The following STXBP5L variants were observed in gnomAD, a reference collection of about 807,000 sequenced individuals.
STXBP5L encodes the protein syntaxin-binding protein 5-like.
A neutral mutation model predicts 144.5 loss-of-function variants in STXBP5L; 65 were observed. The ratio of observed to expected loss-of-function variants is 0.45; its 90% CI spans 0.37 to 0.55. The LOEUF (loss-of-function observed/expected upper bound fraction) is 0.55, where lower values mean the gene tolerates loss of function less well. Among genes scored for constraint, STXBP5L ranks in the 20% least tolerant of loss-of-function variants. The pLI, the probability that STXBP5L is intolerant of heterozygous loss-of-function variation, is 0.00. For missense variants in STXBP5L, 1,298 were observed against 1,405.5 expected (o/e 0.92, Z 1.22); for synonymous variants, 505 against 469.6 (o/e 1.08, Z -0.97).
At chr3:121,310,908 CAA>C (rs879557751) in intron 19 of STXBP5L, among the ~76,000 whole-genome samples, 1 of 141,714 alleles carries the variant, frequency 7.1e-6, no homozygotes, top group Non-Finnish European at 1.5e-5. Context: ...GACTCTGTCT[CAA>C]AAAAAAAAAG....
chr3:121,382,208 A>T (rs979908760), intron 22 of STXBP5L, among the ~76,000 whole-genome samples: 2 of 151,910 alleles, frequency 1.3e-5, no homozygotes, highest in African/African-American at 2.4e-5. Flanking sequence ...AAATTTTCAG[A>T]TAGTTTTTAA....
chr3:121,194,464 G>GCTTGAGCCCAGGAT, intron 9 of STXBP5L, among the ~76,000 whole-genome samples: 1 of 38,696 alleles, frequency 2.6e-5, no homozygotes, highest in Admixed American at 2.6e-4. Context: ...GAGCCCAGGA[G>GCTTGAGCCCAGGAT]TTCCAGGCTG....
chr3:121,335,439 G>GA (rs1225652125), intron 20 of STXBP5L, among the ~76,000 whole-genome samples: 5 of 152,032 alleles, frequency 3.3e-5, no homozygotes, highest in African/African-American at 1.2e-4. Flanking sequence ...CACAGAACTA[G>GA]AAAAAAACTA....
rs79105960 is a variant in STXBP5L at position 121,312,391 on chromosome 3, T to A, written c.2111-6084T>A. 4.7e-3 allele frequency among the ~76,000 whole-genome samples: 467 copies of A among 100,356 alleles called. 11 individuals are homozygous for A. Among genetic ancestry groups the A allele is most frequent in the Non-Finnish European group, 6.3e-3 (315 of 49,936 alleles). 65.8% of individuals were successfully genotyped at this position (100,356 alleles called of 152,430 possible). A position where few individuals can be genotyped will look rare whatever the true frequency, so the allele number is the denominator to read the frequency against. On this transcript the variant is annotated intron_variant, in intron 19 of 26. Transcript: ENST00000471454. ...TTCTTTTTTTTTTTTTTTTTTTTTT[T>A]ATGGCAGAAAAATGTAGTTTTATTT...
intron 22 of STXBP5L, among the ~76,000 whole-genome samples, chr3:121,389,363 G>GT (rs1393751641): frequency 4.6e-5 from 7 of 152,092 alleles, no homozygotes; most frequent in Admixed American, 6.6e-5. Context: ...TTTTTGAAAG[G>GT]TTTTTTGTGT....
rs920533026 is a variant in STXBP5L at position 121,304,083 on chromosome 3, A to G, written c.2111-14392A>G. On this transcript the variant is annotated intron_variant, in intron 19 of 26. Transcript: ENST00000471454. Reference sequence around the variant, plus strand: ...GGGAAAAGAATTCCATGAAAACACTATCCCCAAAAAAGCTGATATGGCTAT... The same window carrying G: ...GGGAAAAGAATTCCATGAAAACACTGTCCCCAAAAAAGCTGATATGGCTAT... Among the ~76,000 whole-genome samples, 51 of 152,116 alleles carry G rather than the reference A, an allele frequency of 3.4e-4. 2 individuals are homozygous for G. Among genetic ancestry groups the G allele is most frequent in the Admixed American group, 3.1e-3 (48 of 15,248 alleles).
At chr3:121,055,523 T>G (rs1948393954) in intron 5 of STXBP5L, among the ~76,000 whole-genome samples, 1 of 152,114 alleles carries the variant, frequency 6.6e-6, no homozygotes. Flanking sequence ...TGGAGTATTA[T>G]TATTGGAGAC....
intron 3 of STXBP5L, among the ~76,000 whole-genome samples, chr3:121,003,382 T>C (rs1943959275): frequency 1.3e-5 from 2 of 152,228 alleles, no homozygotes; most frequent in Admixed American, 1.3e-4. Flanking sequence ...TCATATGCTT[T>C]GCTCACTTTT....
At chr3:121,132,080 T>C (rs1301143729) in intron 7 of STXBP5L, among the ~76,000 whole-genome samples, 1 of 152,192 alleles carries the variant, frequency 6.6e-6, no homozygotes, top group Non-Finnish European at 1.5e-5. Flanking sequence ...CCCCAGAGAA[T>C]TGGCTTCTGT....
intron 5 of STXBP5L, among the ~76,000 whole-genome samples, chr3:121,083,219 A>G (rs1010599434): frequency 3.3e-5 from 5 of 152,084 alleles, no homozygotes; most frequent in African/African-American, 1.2e-4. Flanking sequence ...CAAAAAAACA[A>G]AAAAAATCAC....
At chr3:121,262,606 G>T (rs1041429011) in intron 18 of STXBP5L, among the ~76,000 whole-genome samples, 1 of 152,102 alleles carries the variant, frequency 6.6e-6, no homozygotes, top group African/African-American at 2.4e-5. Context: ...CTGGGTGACA[G>T]AGTGAAACTC....
At chr3:120,948,073 T>C (rs1256922000) in intron 2 of STXBP5L, among the ~76,000 whole-genome samples, 1 of 151,852 alleles carries the variant, frequency 6.6e-6, no homozygotes, top group African/African-American at 2.4e-5. Context: ...AACAGCAATG[T>C]ATTAGGGCTC....
chr3:121,230,075 A>C (rs2049254533), intron 11 of STXBP5L, among the ~76,000 whole-genome samples: 1 of 152,214 alleles, frequency 6.6e-6, no homozygotes, highest in African/African-American at 2.4e-5. Flanking sequence ...AAATTACATA[A>C]AAATTTATAG....
chr3:121,103,965 G>C (rs1287872597), intron 5 of STXBP5L, among the ~76,000 whole-genome samples: 1 of 152,148 alleles, frequency 6.6e-6, no homozygotes, highest in Non-Finnish European at 1.5e-5. Context: ...TTATCATTCA[G>C]TTCTGTCAAA....
At chr3:121,102,222 A>G (rs1166041849) in intron 5 of STXBP5L, among the ~76,000 whole-genome samples, 1 of 152,170 alleles carries the variant, frequency 6.6e-6, no homozygotes, top group Non-Finnish European at 1.5e-5. Context: ...TTATAAATTC[A>G]TGTGGAACCA....
chr3:121,290,627 C>A (rs150703630), intron 19 of STXBP5L, among the ~76,000 whole-genome samples: 10 of 152,168 alleles, frequency 6.6e-5, no homozygotes, highest in Non-Finnish European at 1.0e-4. Flanking sequence ...AGACTGATAT[C>A]CCTGGTGAAC....
rs143312189 is a variant in STXBP5L at position 120,945,918 on chromosome 3, C to T, written c.190-9022C>T. On this transcript the variant is annotated intron_variant, in intron 2 of 26. Transcript: ENST00000471454. ...GCAAGCATGAACCCTTCATGCTTTT[C>T]GCTTTTCCAGCTCTGGTTTGTTTGG... Among the ~76,000 whole-genome samples, 485 of 151,914 alleles carry T rather than the reference C, an allele frequency of 3.2e-3. 3 individuals are homozygous for T. Among genetic ancestry groups the T allele is most frequent in the African/African-American group, 0.011 (441 of 41,496 alleles).
chr3:121,345,199 T>A (rs916207022), intron 20 of STXBP5L, among the ~76,000 whole-genome samples: 2 of 151,928 alleles, frequency 1.3e-5, no homozygotes, highest in Non-Finnish European at 2.9e-5. Context: ...GTGATGTTCC[T>A]CACCCTGTAT....
intron 14 of STXBP5L, among the ~76,000 whole-genome samples, chr3:121,249,283 G>T (rs1255765362): frequency 6.6e-6 from 1 of 151,920 alleles, no homozygotes; most frequent in Non-Finnish European, 1.5e-5. Context: ...TTTTAATTGT[G>T]ATTACATTGA....
Sources: allele counts gnomAD v4.1 joint callset (sites outside exome capture counted in the v4.1 genomes callset), GRCh38; gene constraint gnomAD v4.1.1; transcripts MANE v1.5; gene names NCBI Gene and HGNC (gene_info 2026-07-23, HGNC 2026-07-21).